Variants in DYNC2H1 observed in about 807,000 individuals in gnomAD.
DYNC2H1 encodes the protein dynein cytoplasmic 2 heavy chain 1.
A neutral mutation model predicts 570.0 loss-of-function variants in DYNC2H1; 410 were observed. The observed-to-expected ratio is 0.72, with a 90% CI of 0.66 to 0.78. The LOEUF (loss-of-function observed/expected upper bound fraction) is 0.78. Ranked by LOEUF, DYNC2H1 falls within the 30% of genes least tolerant of loss-of-function variation. The probability of loss-of-function intolerance (pLI) is 0.00; values close to 1 mark genes in which losing one functional copy is unlikely to be tolerated. For synonymous variants in DYNC2H1, 1,688 were observed against 1,677.6 expected, an observed-to-expected ratio of 1.01 and a Z score of -0.15; for missense variants, 4,865 against 5,046.4, an observed-to-expected ratio of 0.96 and a Z score of 1.09.
At chr11:103,310,123 C>T (rs933595362) in intron 78 of DYNC2H1, among the ~76,000 whole-genome samples, 5 of 151,392 alleles carry the variant, frequency 3.3e-5, no homozygotes, top group Non-Finnish European at 5.9e-5. Flanking sequence ...TTTCCTTTTT[C>T]GATTAGTTGT....
chr11:103,298,369 G>GT (rs1474435615), intron 75 of DYNC2H1, among the ~76,000 whole-genome samples: 3 of 151,686 alleles, frequency 2.0e-5, no homozygotes, highest in East Asian at 1.9e-4. Flanking sequence ...TTTAATATAC[G>GT]TTTTTTGTGC....
At chr11:103,110,383 AT>A (rs1203539950) in intron 1 of DYNC2H1, among the ~76,000 whole-genome samples, 1 of 150,890 alleles carries the variant, frequency 6.6e-6, no homozygotes, top group African/African-American at 2.4e-5. Flanking sequence ...AGTTATTTTT[AT>A]TTTTTTCTCT....
intron 83 of DYNC2H1, among the ~76,000 whole-genome samples, chr11:103,383,893 A>G (rs942982645): frequency 7.2e-5 from 11 of 152,086 alleles, no homozygotes; most frequent in Admixed American, 4.6e-4. Context: ...TATTTTCTAA[A>G]TTTCATTGTA....
At chr11:103,233,911 G>T in intron 60 of DYNC2H1, 123 bp from the exon 61 acceptor site, 9 of 693,022 alleles carry the variant, frequency 1.3e-5, no homozygotes, top group East Asian at 4.3e-5. Context: ...TACTTTGTAT[G>T]CAAACATTAA....
At chr11:103,194,254 G>T (rs560885658) in intron 47 of DYNC2H1, among the ~76,000 whole-genome samples, 91 of 152,010 alleles carry the variant, frequency 6.0e-4, no homozygotes, top group African/African-American at 2.1e-3. Context: ...TCGATAGCTC[G>T]TTTCTTTTTA....
At chr11:103,232,306 G>A (rs1864044928) in intron 60 of DYNC2H1, among the ~76,000 whole-genome samples, 1 of 151,780 alleles carries the variant, frequency 6.6e-6, no homozygotes, top group Non-Finnish European at 1.5e-5. Flanking sequence ...TAGCAGATTA[G>A]GAAGGTTAAA....
rs762612874 is a variant in DYNC2H1, at chr11:103,114,201, C to A, written c.465C>A (p.Asn155Lys). 3.3e-5 allele frequency: 52 copies of A among 1,599,278 alleles called. No individual in the cohort carries two copies. The South Asian group carries it at 4.6e-4, about 14-fold the overall frequency. Residue 155 changes from asparagine to lysine, a missense_variant, in exon 3 of 89, where the codon AAC becomes AAA. Physicochemically the swap from Asn to Lys is moderately conservative, Grantham distance 94. Around this residue, in one of 5 missense-constraint regions of DYNC2H1, gnomAD observed 1,936 missense variants for 1,962.1 expected, o/e 0.99. Coordinates refer to ENST00000375735, the MANE Select transcript of DYNC2H1 (RefSeq NM_001377.3). The stretch of plus-strand genomic sequence containing the variant: ...TAGTTCTACGAAGATCAGACACTAA[C>A]TTAACAAAATTGAAATTTAAGGAAG... ...LGIVLRRSDT[N>K]LTKLKFKEDD... is the part of the protein sequence containing the mutation.
Position 103,223,035 on chromosome 11 carries a change from A to T in DYNC2H1, c.9302A>T (p.His3101Leu). The change falls in exon 59 of 89, where the codon CAT becomes CTT. Residue 3101 changes from histidine to leucine, a missense_variant. This residue lies in a region of DYNC2H1 where 2,401 missense variants were observed against 2,454.6 expected (regional missense o/e 0.98). Coordinates refer to ENST00000375735, the MANE Select transcript of DYNC2H1 (RefSeq NM_001377.3). Reference sequence around the variant, plus strand: ...GTGAAAGCCAATATTCAGTATTCCCATGTCTTGGAACGAATTCATCCTTTG... The same window carrying T: ...GTGAAAGCCAATATTCAGTATTCCCTTGTCTTGGAACGAATTCATCCTTTG... ...AWVKANIQYS[H>L]VLERIHPLET... The T allele has an allele frequency of 6.2e-7, 1 of 1,613,394 alleles. No individual in the cohort carries two copies. Among genetic ancestry groups the T allele is most frequent in the Non-Finnish European group, 8.5e-7 (1 of 1,179,586 alleles).
At chr11:103,152,348 A>G in intron 21 of DYNC2H1, 63 bp downstream of exon 21, 2 of 1,454,800 alleles carry the variant, frequency 1.4e-6, no homozygotes, top group East Asian at 2.4e-5. Flanking sequence ...TTTCTTGCTT[A>G]TCTTTTATTC....
At chr11:103,396,317 G>GT (rs917522024) in intron 83 of DYNC2H1, among the ~76,000 whole-genome samples, 16 of 152,254 alleles carry the variant, frequency 1.1e-4, no homozygotes, top group African/African-American at 3.6e-4. Context: ...CCTGCTGCTA[G>GT]TTTTTGTAAA....
chr11:103,182,001 G>A lies in DYNC2H1; in HGVS notation c.6477+115G>A, dbSNP rs1439704062. The A allele has an allele frequency of 6.3e-5, 71 of 1,133,446 alleles. No homozygotes were observed. The East Asian group carries it at 1.8e-3, about 29-fold the overall frequency. The allele number at this position is 1,133,446 out of a possible 1,614,324, so 70.2% of individuals were successfully genotyped here. A position where few individuals can be genotyped will look rare whatever the true frequency, so the allele number is the denominator to read the frequency against. ...GCTGGAATGTGGGTGTGAGGTGAGA[G>A]GTGGATTTTGTCACTGCTACTCCTC... On this transcript the variant is annotated intron_variant, in intron 40 of 88. Transcript: ENST00000375735.
chr11:103,120,292 C>A (rs1256703292), intron 6 of DYNC2H1, among the ~76,000 whole-genome samples, 155 bp from the exon 7 acceptor site: 1 of 152,148 alleles, frequency 6.6e-6, no homozygotes, highest in Non-Finnish European at 1.5e-5. Context: ...TGTCACGTGG[C>A]AATTCTCTGG....
At chr11:103,179,650 A>C (rs749597700) in intron 39 of DYNC2H1, among the ~76,000 whole-genome samples, 3 of 151,808 alleles carry the variant, frequency 2.0e-5, no homozygotes, top group African/African-American at 7.2e-5. Context: ...TTAGATTCAC[A>C]GAATTTTAGG....
At chr11:103,288,684 T>TAAAAAAAAAAAAAAAAAAAAAAAAA (rs57040929) in intron 75 of DYNC2H1, among the ~76,000 whole-genome samples, 9 of 27,912 alleles carry the variant, frequency 3.2e-4, no homozygotes, top group Admixed American at 6.4e-4. Context: ...CCGTCTCTAC[T>TAAAAAAAAAAAAAAAAAAAAAAAAA]AAAAAAAAAA....
At position 103,455,237 on chromosome 11, in the gene DYNC2H1, C is replaced by T; in HGVS notation, c.12508C>T (p.Leu4170=). The T allele has an allele frequency of 2.5e-6, 4 of 1,613,456 alleles. No homozygotes were observed. Among genetic ancestry groups the T allele is most frequent in the Non-Finnish European group, 3.4e-6 (4 of 1,179,578 alleles). Residue 4170 remains leucine, a synonymous_variant, in exon 86 of 89, where the codon CTA becomes TTA. Coordinates refer to ENST00000375735, the MANE Select transcript of DYNC2H1 (RefSeq NM_001377.3). ...KQALLSETLD[L]SELFHPDTFL... ...GGCTCTTCTCTCTGAAACACTTGAC[C>T]TATCAGAACTTTTCCATCCAGACAC...
At chr11:103,428,185 CTTT>C (rs35767159) in intron 84 of DYNC2H1, among the ~76,000 whole-genome samples, 1 of 134,726 alleles carries the variant, frequency 7.4e-6, no homozygotes, top group Admixed American at 7.5e-5. Flanking sequence ...ATAACATGAG[CTTT>C]TTTTTTTTTT....
Position 103,244,326 on chromosome 11 carries a change from A to G in DYNC2H1, c.9918+535A>G, listed in dbSNP as rs987923701. On this transcript the variant is annotated intron_variant, in intron 64 of 88. Transcript: ENST00000375735. The surrounding 1 kb of genome is among the most constrained non-coding windows in gnomAD (Gnocchi z 4.3). ...CTTCTCAGTTTCATGTTTATCTTGC[A>G]GAGGAAATTATTTTTGGTTAGGTTA... 1.3e-5 allele frequency among the ~76,000 whole-genome samples: 2 copies of G among 152,068 alleles called. No homozygotes were observed. The highest frequency in any genetic ancestry group is 3.9e-4 in the East Asian group (2 of 5,186).
chr11:103,350,647 G>T (rs1375395772), intron 82 of DYNC2H1, among the ~76,000 whole-genome samples: 1 of 152,164 alleles, frequency 6.6e-6, no homozygotes, highest in African/African-American at 2.4e-5. Context: ...AGTTTTGGGG[G>T]CTAGAAGTCT....
At chr11:103,210,677 C>T (rs895104469) in intron 53 of DYNC2H1, among the ~76,000 whole-genome samples, 2 of 151,994 alleles carry the variant, frequency 1.3e-5, no homozygotes, top group African/African-American at 4.8e-5. Context: ...AGACATTGCC[C>T]AGACGGGCAG....
Sources: allele counts gnomAD v4.1 joint callset (sites outside exome capture counted in the v4.1 genomes callset), GRCh38; gene constraint gnomAD v4.1.1; regional missense constraint gnomAD v4.1.1; non-coding constraint Gnocchi (gnomAD v3.1); transcripts MANE v1.5; gene names NCBI Gene and HGNC (gene_info 2026-07-23, HGNC 2026-07-21).